The following PDE1C variants were observed in gnomAD, a reference collection of about 807,000 sequenced individuals.
PDE1C encodes the protein dual specificity calcium/calmodulin-dependent 3',5'-cyclic nucleotide phosphodiesterase 1C.
A neutral mutation model predicts 93.1 loss-of-function variants in PDE1C; 62 were observed. The ratio of observed to expected loss-of-function variants is 0.67; its 90% CI spans 0.54 to 0.82. The LOEUF (loss-of-function observed/expected upper bound fraction) is 0.82, where lower values mean the gene tolerates loss of function less well. Among genes scored for constraint, PDE1C ranks in the 40% least tolerant of loss-of-function variants. PDE1C has a pLI of 0.00. For synonymous variants in PDE1C, 325 were observed against 310.1 expected (o/e 1.05, Z -0.50); for missense variants, 742 against 884.6 (o/e 0.84, Z 2.04).
chr7:31,907,453 A>T (rs1800741285), intron 2 of PDE1C, among the ~76,000 whole-genome samples: 1 of 152,214 alleles, frequency 6.6e-6, no homozygotes, highest in Non-Finnish European at 1.5e-5. Context: ...TAACAGAGTT[A>T]TATGAACTAC....
the PDE1C span, among the ~76,000 whole-genome samples, chr7:31,629,441 A>G: frequency 2.0e-5 from 3 of 152,244 alleles, no homozygotes; most frequent in African/African-American, 7.2e-5. Flanking sequence ...TCCCCTGGAC[A>G]GAAACACAGC....
chr7:31,665,129 T>C, the PDE1C span, among the ~76,000 whole-genome samples: 1 of 152,210 alleles, frequency 6.6e-6, no homozygotes, highest in Non-Finnish European at 1.5e-5. Flanking sequence ...CTTCTTGCTA[T>C]TTTCTGAATG....
intron 13 of PDE1C, 96 bp from the exon 14 acceptor site, chr7:31,823,344 A>G (rs966456534): frequency 1.1e-6 from 1 of 879,718 alleles, no homozygotes; most frequent in Non-Finnish European, 1.7e-6. Context: ...AGCACTCCTA[A>G]AGTTATTGCT....
In PDE1C at chr7:32,299,267, A is replaced by G. The variant is rs1458885111; in HGVS notation, c.-532T>C. ...GGGAGCTTCCAGAAAGCACATCAAC[A>G]GATGGAAAGGCAAACCCCTCAGCCA... On this transcript the variant is annotated 5_prime_UTR_variant, in exon 1 of 19. Transcript: ENST00000396193. The G allele has an allele frequency of 1.3e-5, 13 of 986,986 alleles. No individual in the cohort carries two copies. In the African/African-American group the frequency reaches 2.1e-4, roughly 16 times the overall value. 61.1% of individuals were successfully genotyped at this position (986,986 alleles called of 1,614,324 possible). A position where few individuals can be genotyped will look rare whatever the true frequency, so the allele number is the denominator to read the frequency against.
chr7:32,264,422 G>A (rs1160179755), intron 1 of PDE1C, among the ~76,000 whole-genome samples: 1 of 152,130 alleles, frequency 6.6e-6, no homozygotes, highest in Non-Finnish European at 1.5e-5. Flanking sequence ...TATGCTCAGA[G>A]TCACACATCT....
At chr7:32,101,439 G>A (rs1798031125) in intron 3 of PDE1C, among the ~76,000 whole-genome samples, 1 of 152,094 alleles carries the variant, frequency 6.6e-6, no homozygotes, top group Non-Finnish European at 1.5e-5. Flanking sequence ...GTTGGAAGTG[G>A]GTCTGGTGGG....
chr7:32,013,605 T>C (rs979382578), intron 2 of PDE1C, among the ~76,000 whole-genome samples: 1 of 151,958 alleles, frequency 6.6e-6, no homozygotes, highest in Admixed American at 6.5e-5. Flanking sequence ...AAGTAACTTG[T>C]GGAATGCTGA....
chr7:32,300,308 A>G (rs922698770), upstream of PDE1C, among the ~76,000 whole-genome samples: 5 of 152,226 alleles, frequency 3.3e-5, no homozygotes, highest in Non-Finnish European at 7.3e-5. Flanking sequence ...AAGACCTAGA[A>G]CCACATTCAC....
chr7:31,928,620 G>C (rs1040504672), intron 2 of PDE1C, among the ~76,000 whole-genome samples: 1 of 152,126 alleles, frequency 6.6e-6, no homozygotes, highest in African/African-American at 2.4e-5. Context: ...GAGAGTGGGG[G>C]CCAATATTCA....
intron 1 of PDE1C, among the ~76,000 whole-genome samples, chr7:32,334,688 A>G (rs1783581809): frequency 1.0e-5 from 1 of 96,582 alleles, no homozygotes; most frequent in Non-Finnish European, 2.1e-5. Context: ...TGATTTAGGG[A>G]AAGGTCCTTA....
chr7:32,188,214 T>G (rs369928565), intron 2 of PDE1C, among the ~76,000 whole-genome samples: 1 of 150,612 alleles, frequency 6.6e-6, no homozygotes, highest in African/African-American at 2.4e-5. Context: ...TATATGAAAT[T>G]GGGGGGGGAT....
chr7:32,294,989 CT>C (rs1159555225), intron 1 of PDE1C, among the ~76,000 whole-genome samples: 1 of 152,308 alleles, frequency 6.6e-6, no homozygotes, highest in Non-Finnish European at 1.5e-5. Context: ...TTTCCAAGAC[CT>C]TTTGACCACA....
intron 2 of PDE1C, among the ~76,000 whole-genome samples, chr7:32,194,579 G>A (rs920732890): frequency 6.6e-6 from 1 of 151,934 alleles, no homozygotes; most frequent in Admixed American, 6.6e-5. Flanking sequence ...TCTTCATTCT[G>A]AAGCCTACAT....
At chr7:31,789,005 T>C (rs568478157) in intron 16 of PDE1C, 6 of 152,306 alleles carry the variant, frequency 3.9e-5, no homozygotes, top group Admixed American at 6.5e-5. Flanking sequence ...AAATTAAATC[T>C]GTAGTGGGGA....
At chr7:31,741,718 A>G in the PDE1C span, among the ~76,000 whole-genome samples, 1 of 152,222 alleles carries the variant, frequency 6.6e-6, no homozygotes, top group African/African-American at 2.4e-5. Context: ...TTCTCCCAGA[A>G]TGTGGCTCAT....
intron 12 of PDE1C, 85 bp from the exon 13 acceptor site, chr7:31,825,072 TC>T: frequency 6.4e-7 from 1 of 1,551,476 alleles, no homozygotes; most frequent in Non-Finnish European, 8.8e-7. Context: ...ATCTAGAAGT[TC>T]CAGATCAGAT....
intron 1 of PDE1C, among the ~76,000 whole-genome samples, chr7:32,372,165 T>G (rs1401828244): frequency 6.6e-6 from 1 of 151,858 alleles, no homozygotes; most frequent in Non-Finnish European, 1.5e-5. Flanking sequence ...GCGACTCTTG[T>G]GCCTCACCCT....
the PDE1C span, among the ~76,000 whole-genome samples, chr7:31,626,523 A>G: frequency 1.3e-5 from 2 of 152,212 alleles, no homozygotes; most frequent in East Asian, 1.9e-4. Context: ...GCTGTCATGA[A>G]TATCACAAAG....
chr7:31,976,381 T>C (rs1417556803), intron 2 of PDE1C, among the ~76,000 whole-genome samples: 1 of 152,184 alleles, frequency 6.6e-6, no homozygotes, highest in Non-Finnish European at 1.5e-5. Context: ...AAGAGGACTG[T>C]TATTGTGTTC....
Sources: allele counts gnomAD v4.1 joint callset (sites outside exome capture counted in the v4.1 genomes callset), GRCh38; gene constraint gnomAD v4.1.1; transcripts MANE v1.5; gene names NCBI Gene and HGNC (gene_info 2026-07-23, HGNC 2026-07-21).